AGMO: variants seen among roughly 807,000 people sequenced by gnomAD.
The protein encoded by AGMO is alkylglycerol monooxygenase, also known as glyceryl-ether monooxygenase.
AGMO carries 75 observed loss-of-function variants against 60.2 expected under a neutral mutation model. The ratio of observed to expected loss-of-function variants is 1.25; its 90% CI spans 1.03 to 1.51. AGMO has a LOEUF of 1.51. Among genes scored for constraint, AGMO ranks in the 40% most tolerant of loss-of-function variants. The pLI, the probability that AGMO is intolerant of heterozygous loss-of-function variation, is 0.00. For missense variants in AGMO, 763 were observed against 525.5 expected, an observed-to-expected ratio of 1.45 and a Z score of -4.42; for synonymous variants, 261 against 177.1, an observed-to-expected ratio of 1.47 and a Z score of -3.76.
chr7:15,166,875 T>A, the AGMO span, among the ~76,000 whole-genome samples: 1,056 of 152,276 alleles, frequency 6.9e-3, 22 homozygotes, highest in African/African-American at 0.025. Flanking sequence ...AGTCTTTGGA[T>A]GGAGCAAGAT....
At chr7:15,289,726 T>C (rs899515365) in intron 12 of AGMO, among the ~76,000 whole-genome samples, 1 of 152,074 alleles carries the variant, frequency 6.6e-6, no homozygotes, top group African/African-American at 2.4e-5. Context: ...TACTGAATTA[T>C]TGTATTTAAG....
At chr7:15,484,073 T>C (rs778439977) in intron 3 of AGMO, among the ~76,000 whole-genome samples, 2 of 152,140 alleles carry the variant, frequency 1.3e-5, no homozygotes, top group African/African-American at 4.8e-5. Context: ...TCTTAGGATA[T>C]ACATATAGTT....
At chr7:15,206,442 CT>C (rs1408742973) in intron 12 of AGMO, among the ~76,000 whole-genome samples, 2 of 152,032 alleles carry the variant, frequency 1.3e-5, no homozygotes, top group Non-Finnish European at 2.9e-5. Context: ...TGCATTATCT[CT>C]TTGTGCTTAT....
rs1410056756 is a variant in AGMO, at chr7:15,354,402, G to GTA, written c.1263+11111_1263+11112insTA. ...TATACACGTGTGTGTATACACGTGT[G>GTA]TGTACACACGTGTGTGTATACACAC... On this transcript the variant is annotated intron_variant, in intron 12 of 12. Transcript: ENST00000342526. Among the ~76,000 whole-genome samples the GTA allele has an allele frequency of 2.4e-3, 76 of 32,234 alleles. 12 individuals are homozygous for GTA. The highest frequency in any genetic ancestry group is 0.02 in the African/African-American group (73 of 3,696). 21.1% of individuals were successfully genotyped at this position (32,234 alleles called of 152,430 possible). A position where few individuals can be genotyped will look rare whatever the true frequency, so the allele number is the denominator to read the frequency against.
intron 12 of AGMO, among the ~76,000 whole-genome samples, chr7:15,350,894 A>T (rs921965750): frequency 6.6e-6 from 1 of 152,178 alleles, no homozygotes; most frequent in East Asian, 1.9e-4. Context: ...TATTTTGGAG[A>T]GACAGTAATT....
At chr7:15,218,493 G>A (rs571477277) in intron 12 of AGMO, among the ~76,000 whole-genome samples, 2 of 151,858 alleles carry the variant, frequency 1.3e-5, no homozygotes, top group Non-Finnish European at 2.9e-5. Context: ...GGAAGGAAAA[G>A]AATGTGGTTG....
At chr7:15,381,416 G>GAA (rs143136244) in intron 10 of AGMO, among the ~76,000 whole-genome samples, 4 of 149,088 alleles carry the variant, frequency 2.7e-5, no homozygotes, top group African/African-American at 9.8e-5. Flanking sequence ...ACAATCATAT[G>GAA]AAAAAAAAAA....
chr7:15,118,387 C>T, the AGMO span, among the ~76,000 whole-genome samples: 18 of 151,934 alleles, frequency 1.2e-4, no homozygotes, highest in African/African-American at 4.1e-4. Context: ...ATTCCATTTA[C>T]ACTGACAGAG....
the AGMO span, among the ~76,000 whole-genome samples, chr7:15,163,735 A>T: frequency 6.6e-6 from 1 of 151,780 alleles, no homozygotes; most frequent in East Asian, 1.9e-4. Flanking sequence ...ATTCTGTTAA[A>T]AATTTTTGCA....
chr7:15,463,031 T>C (rs919182203), intron 3 of AGMO, among the ~76,000 whole-genome samples: 3 of 152,108 alleles, frequency 2.0e-5, no homozygotes, highest in Non-Finnish European at 2.9e-5. Context: ...ACATCTGGGG[T>C]ATAAGATTAT....
intron 5 of AGMO, among the ~76,000 whole-genome samples, chr7:15,409,823 C>T (rs533142835): frequency 1.3e-5 from 2 of 151,852 alleles, no homozygotes; most frequent in Admixed American, 6.6e-5. Context: ...AGTCTGACTA[C>T]TTTGTACAAA....
the AGMO span, among the ~76,000 whole-genome samples, chr7:15,139,273 G>T: frequency 6.6e-6 from 1 of 151,984 alleles, no homozygotes; most frequent in South Asian, 2.1e-4. Context: ...ATCCACATTT[G>T]GTATATGTAG....
At chr7:15,361,546 A>AAAAAAAAAAAAAAAAAAAAT in intron 12 of AGMO, among the ~76,000 whole-genome samples, 2 of 91,426 alleles carry the variant, frequency 2.2e-5, no homozygotes, top group East Asian at 2.7e-4. Context: ...TCTCAAAAAA[A>AAAAAAAAAAAAAAAAAAAAT]AAAAAAAAGG....
Position 15,394,167 on chromosome 7 carries a change from G to A in AGMO, c.622C>T (p.Leu208Phe), listed in dbSNP as rs748990108. 9 of 1,608,166 alleles carry A rather than the reference G, an allele frequency of 5.6e-6. No individual in the cohort carries two copies. Among genetic ancestry groups the A allele is most frequent in the Admixed American group, 3.3e-5 (2 of 59,914 alleles). The change falls in exon 6 of 13, where the codon CTT (leucine) becomes TTT (phenylalanine). Residue 208 changes from leucine to phenylalanine, a missense_variant. By Grantham distance (22) the Leu-to-Phe change is conservative (BLOSUM62 0). Transcript: ENST00000342526. ...TTAAGAATCAGTTCCAAAGGACCAA[G>A]GTTATTGATGACCTGTTTAAAACAG... ...FWIHTEVINN[L>F]GPLELILNTP...
chr7:15,302,795 C>T (rs2128526961), intron 12 of AGMO, among the ~76,000 whole-genome samples: 1 of 152,140 alleles, frequency 6.6e-6, no homozygotes, highest in East Asian at 1.9e-4. Flanking sequence ...GTGTTCAATT[C>T]ATGTAAGTCA....
intron 12 of AGMO, among the ~76,000 whole-genome samples, chr7:15,299,239 A>G (rs182349859): frequency 1.4e-4 from 21 of 152,044 alleles, no homozygotes; most frequent in African/African-American, 5.1e-4. Context: ...TAATAATATA[A>G]TAACAATATA....
At chr7:15,419,027 C>T (rs1208910555) in intron 4 of AGMO, among the ~76,000 whole-genome samples, 1 of 151,802 alleles carries the variant, frequency 6.6e-6, no homozygotes, top group Non-Finnish European at 1.5e-5. Context: ...ATACCTTTGA[C>T]AGCTCCCAAA....
At position 15,201,439 on chromosome 7, in the gene AGMO, C is replaced by A. The variant is rs568510446; in HGVS notation, c.1264-80G>T. On this transcript the variant is annotated intron_variant, in intron 12 of 12. Coordinates refer to ENST00000342526, the MANE Select transcript of AGMO (RefSeq NM_001004320.2). The stretch of plus-strand genomic sequence containing the variant: ...GCTCAACTGAATTAAAAATATTTCC[C>A]TAGAGGAAAATGAACATGGACATTT... The A allele has an allele frequency of 2.1e-4, 220 of 1,028,254 alleles. 1 individual carries two copies. In the African/African-American group the frequency reaches 3.3e-3, roughly 15 times the overall value. The allele number at this position is 1,028,254 out of a possible 1,614,324, so 63.7% of individuals were successfully genotyped here. A position where few individuals can be genotyped will look rare whatever the true frequency, so the allele number is the denominator to read the frequency against.
intron 12 of AGMO, among the ~76,000 whole-genome samples, chr7:15,279,624 C>T (rs949850820): frequency 6.6e-6 from 1 of 151,980 alleles, no homozygotes; most frequent in African/African-American, 2.4e-5. Flanking sequence ...AACTTTTTTT[C>T]CAAGCAACAA....
Sources: gnomAD v4.1 joint callset for allele counts (sites outside exome capture counted in the v4.1 genomes callset) on GRCh38, gnomAD v4.1.1 for gene constraint, MANE v1.5 for transcripts, NCBI Gene and HGNC (gene_info 2026-07-23, HGNC 2026-07-21) for gene names.